The following ATF6 variants were observed in gnomAD, a reference collection of about 807,000 sequenced individuals.
ATF6 encodes the protein cyclic AMP-dependent transcription factor ATF-6 alpha.
In ATF6, 53 loss-of-function variants were observed where a neutral mutation model predicts 83.6. The ratio of observed to expected loss-of-function variants is 0.63; its 90% CI spans 0.51 to 0.80. The LOEUF is 0.80. Among genes scored for constraint, ATF6 ranks in the 30% least tolerant of loss-of-function variants. ATF6 has a pLI of 0.00. For missense variants in ATF6, 744 were observed against 797.9 expected (o/e 0.93, Z 0.81); for synonymous variants, 288 against 285.8 (o/e 1.01, Z -0.08).
At chr1:161,937,651 AAC>A (rs1380518040) in intron 15 of ATF6, among the ~76,000 whole-genome samples, 1 of 151,900 alleles carries the variant, frequency 6.6e-6, no homozygotes, top group African/African-American at 2.4e-5. Flanking sequence ...CAGAAAACCG[AAC>A]ACTGCATGTT....
chr1:161,821,328 G>A (rs1685755835), intron 9 of ATF6, among the ~76,000 whole-genome samples, 167 bp downstream of exon 9: 1 of 152,180 alleles, frequency 6.6e-6, no homozygotes, highest in Non-Finnish European at 1.5e-5. Flanking sequence ...CAGCTGGGAG[G>A]AGAGACAAGT....
chr1:161,838,349 G>T (rs568614676), intron 9 of ATF6, among the ~76,000 whole-genome samples: 27 of 152,262 alleles, frequency 1.8e-4, no homozygotes, highest in South Asian at 1.7e-3. Context: ...TAATACTGTG[G>T]AACAAACCAC....
intron 9 of ATF6, among the ~76,000 whole-genome samples, chr1:161,832,054 A>C (rs1686077627): frequency 6.6e-6 from 1 of 152,066 alleles, no homozygotes; most frequent in Non-Finnish European, 1.5e-5. Flanking sequence ...AAACCATACC[A>C]CCATGAATAA....
At position 161,851,798 on chromosome 1, in the gene ATF6, C is replaced by A. The variant is rs559279840; in HGVS notation, c.1396C>A (p.Pro466Thr). ...ACCATTGCTTTACATTCCTCCACCT[C>A]CTTGTCAGCCCCTAATTAACACAAC... ...EEPLLYIPPP[P>T]CQPLINTTES... The change falls in exon 11 of 16, where the codon CCT becomes ACT. Residue 466 changes from proline to threonine, a missense_variant. Transcript: ENST00000367942. The A allele has an allele frequency of 6.2e-7, 1 of 1,613,822 alleles. No individual in the cohort carries two copies. Among genetic ancestry groups the A allele is most frequent in the South Asian group, 1.1e-5 (1 of 91,052 alleles).
At chr1:161,773,302 T>C (rs1283247131) in intron 1 of ATF6, among the ~76,000 whole-genome samples, 1 of 151,416 alleles carries the variant, frequency 6.6e-6, no homozygotes, top group Admixed American at 6.6e-5. Flanking sequence ...CCTGGCTAAA[T>C]TTTTTTTTGT....
Position 161,792,164 on chromosome 1 carries a change from A to G in ATF6, c.525A>G (p.Ser175=). Residue 175 remains serine (S), a synonymous_variant, in exon 6 of 16, where the codon TCA becomes TCG. Transcript: ENST00000367942. ...CAAAGAAAAAAATTCAGGTGAATTC[A>G]AAACCTTCAATTCAGCCCAAGCCTT... ...LTPKKKIQVN[S]KPSIQPKPLL... is the part of the protein sequence containing the mutation. 6.2e-7 allele frequency: 1 copy of G among 1,614,096 alleles called. No homozygotes were observed. Among genetic ancestry groups the G allele is most frequent in the Non-Finnish European group, 8.5e-7 (1 of 1,180,016 alleles).
chr1:161,950,749 A>T (rs535053487), intron 15 of ATF6, among the ~76,000 whole-genome samples: 25 of 152,316 alleles, frequency 1.6e-4, no homozygotes, highest in Admixed American at 9.2e-4. Flanking sequence ...TTGTACACAC[A>T]CCTGAAGTTC....
chr1:161,865,973 C>A (rs1238400552), intron 14 of ATF6, among the ~76,000 whole-genome samples: 1 of 152,058 alleles, frequency 6.6e-6, no homozygotes, highest in Non-Finnish European at 1.5e-5. Context: ...GCTTGGTCTT[C>A]TTTCATCTTT....
chr1:161,863,197 G>C lies in ATF6; in HGVS notation c.1605-1G>C. The stretch of plus-strand genomic sequence containing the variant: ...AATACCTTATATTTTTCTTACTTTA[G>C]CAGGAACTCAGGGAGTGAGCTACAA... On this transcript the variant is annotated splice_acceptor_variant, in intron 13 of 15. Coordinates refer to ENST00000367942, the MANE Select transcript of ATF6 (RefSeq NM_007348.4). LOFTEE classifies it high-confidence loss of function. The C allele has an allele frequency of 1.3e-6, 2 of 1,565,910 alleles. No homozygotes were observed. The highest frequency in any genetic ancestry group is 1.7e-6 in the Non-Finnish European group (2 of 1,144,058).
chr1:161,893,445 C>G (rs1319959655), intron 14 of ATF6, among the ~76,000 whole-genome samples: 1 of 152,290 alleles, frequency 6.6e-6, no homozygotes. Context: ...GGATTACAGG[C>G]GTGAGCCACT....
At chr1:161,870,144 TCTG>T (rs1272309391) in intron 14 of ATF6, among the ~76,000 whole-genome samples, 1 of 151,798 alleles carries the variant, frequency 6.6e-6, no homozygotes, top group African/African-American at 2.4e-5. Context: ...CATTGAAAAA[TCTG>T]CTGGACAGTT....
intron 9 of ATF6, among the ~76,000 whole-genome samples, chr1:161,833,489 A>C (rs1302735929): frequency 6.6e-6 from 1 of 152,144 alleles, no homozygotes; most frequent in Non-Finnish European, 1.5e-5. Context: ...CCAATGGCAA[A>C]AAAGTTAAAA....
At chr1:161,949,966 A>G (rs1195321757) in intron 15 of ATF6, among the ~76,000 whole-genome samples, 2 of 152,204 alleles carry the variant, frequency 1.3e-5, no homozygotes, top group African/African-American at 2.4e-5. Context: ...GTGTTATACA[A>G]ACTGCTTTCT....
In ATF6 at chr1:161,948,131, G is replaced by A. The variant is rs189054583; in HGVS notation, c.1805-10315G>A. On this transcript the variant is annotated intron_variant, in intron 15 of 15. Coordinates refer to ENST00000367942, the MANE Select transcript of ATF6 (RefSeq NM_007348.4). ...TTTTGAGACTCTGAAGAAAGGGTAC[G>A]TTCCTAATGTTTTTGGTTTGGATTA... Among the ~76,000 whole-genome samples the A allele has an allele frequency of 1.7e-4, 26 of 152,132 alleles. No individual in the cohort carries two copies. The East Asian group carries it at 2.9e-3, about 17-fold the overall frequency.
chr1:161,835,212 C>T (rs1452278381), intron 9 of ATF6, among the ~76,000 whole-genome samples: 1 of 152,188 alleles, frequency 6.6e-6, no homozygotes. Flanking sequence ...ACCACCGTAC[C>T]TGGCTCATTT....
At chr1:161,912,003 C>G (rs989500135) in intron 14 of ATF6, among the ~76,000 whole-genome samples, 1 of 152,158 alleles carries the variant, frequency 6.6e-6, no homozygotes. Context: ...CTTGTCTTGA[C>G]TGCTTGACCA....
At chr1:161,891,840 T>G (rs906318873) in intron 14 of ATF6, 3 of 152,216 alleles carry the variant, frequency 2.0e-5, no homozygotes, top group Non-Finnish European at 4.4e-5. Context: ...CATCTTTTGG[T>G]GTAATTTTTA....
At position 161,838,736 on chromosome 1, in the gene ATF6, T is replaced by C. The variant is rs540876068; in HGVS notation, c.1188-7713T>C. ...GAATCTCAGGTTGTTTTCTTGCTCA[T>C]GTTGGCCCATTTGGCAAATAGCCAC... On this transcript the variant is annotated intron_variant, in intron 9 of 15. Coordinates refer to ENST00000367942, the MANE Select transcript of ATF6 (RefSeq NM_007348.4). 1.9e-4 allele frequency among the ~76,000 whole-genome samples: 29 copies of C among 152,338 alleles called. No homozygotes were observed. In the South Asian group the frequency reaches 5.4e-3, roughly 28 times the overall value.
intron 14 of ATF6, among the ~76,000 whole-genome samples, chr1:161,870,181 C>G (rs1450040862): frequency 6.6e-6 from 1 of 151,662 alleles, no homozygotes; most frequent in Admixed American, 6.6e-5. Context: ...TACACAACTT[C>G]AAAAATTGTT....
Sources: gnomAD v4.1 joint callset for allele counts (sites outside exome capture counted in the v4.1 genomes callset) on GRCh38, gnomAD v4.1.1 for gene constraint, MANE v1.5 for transcripts, NCBI Gene and HGNC (gene_info 2026-07-23, HGNC 2026-07-21) for gene names.